Variants in ITGB8 observed in about 807,000 individuals in gnomAD.
ITGB8 encodes the protein integrin beta-8.
ITGB8 carries 30 observed loss-of-function variants against 89.5 expected under a neutral mutation model. That is an observed-to-expected ratio of 0.34 (90% confidence interval 0.25 to 0.45). The LOEUF is 0.45. Ranked by LOEUF, ITGB8 falls within the 20% of genes least tolerant of loss-of-function variation. The pLI is 1.00. For synonymous variants in ITGB8, 335 were observed against 320.4 expected (o/e 1.05, Z -0.49); for missense variants, 836 against 933.3 (o/e 0.90, Z 1.36).
At chr7:20,353,686 C>A (rs1475641796) in intron 1 of ITGB8, among the ~76,000 whole-genome samples, 1 of 147,288 alleles carries the variant, frequency 6.8e-6, no homozygotes, top group African/African-American at 2.7e-5. Flanking sequence ...GTAATCCCAG[C>A]ACTTTGGGAG....
chr7:20,370,022 T>C (rs1785861947), intron 3 of ITGB8, among the ~76,000 whole-genome samples: 1 of 151,134 alleles, frequency 6.6e-6, no homozygotes, highest in African/African-American at 2.4e-5. Context: ...CATCCAAAGA[T>C]ATAAGAAGAA....
rs1256352865 is a variant in ITGB8, at chr7:20,367,059, C to G, written c.261C>G (p.Ser87=). The G allele has an allele frequency of 3.7e-6, 6 of 1,612,128 alleles. No homozygotes were observed. The South Asian group carries it at 6.6e-5, about 18-fold the overall frequency. ...GSRSERCDIV[S]NLISKGCSVD... is the part of the protein sequence containing the mutation. ...GAAGTGAACGTTGTGATATTGTTTC[C>G]AATTTAATAAGCAAAGGCTGCTCAG... Residue 87 remains serine, a synonymous_variant, in exon 3 of 14, where the codon TCC becomes TCG. Transcript: ENST00000222573.
At chr7:20,368,965 T>A (rs1179357269) in intron 3 of ITGB8, among the ~76,000 whole-genome samples, 1 of 152,216 alleles carries the variant, frequency 6.6e-6, no homozygotes, top group Non-Finnish European at 1.5e-5. Flanking sequence ...TTCTTCAGGA[T>A]CTTAATCCAG....
In ITGB8 at chr7:20,351,129, T is replaced by A. The variant is rs188901638; in HGVS notation, c.128-12508T>A. Among the ~76,000 whole-genome samples, 103 of 152,350 alleles carry A rather than the reference T, an allele frequency of 6.8e-4. No homozygotes were observed. The Middle Eastern group carries it at 0.014, about 20-fold the overall frequency. ...GAAAATAGGATTACCTTAGCACTGA[T>A]GATAAGAAAAGTAATGACATACTAC... On this transcript the variant is annotated intron_variant, in intron 1 of 13. Coordinates refer to ENST00000222573, the MANE Select transcript of ITGB8 (RefSeq NM_002214.3).
chr7:20,352,230 T>G (rs912542081), intron 1 of ITGB8: 1 of 152,252 alleles, frequency 6.6e-6, no homozygotes, highest in Non-Finnish European at 1.5e-5. Flanking sequence ...CTAAGTCTAA[T>G]GTAGGAAAAG....
At chr7:20,361,144 A>G (rs749045315) in intron 1 of ITGB8, among the ~76,000 whole-genome samples, 6 of 152,038 alleles carry the variant, frequency 3.9e-5, no homozygotes, top group Non-Finnish European at 7.4e-5. Context: ...TAGCCACATG[A>G]ATGTCTTCTC....
In ITGB8 at chr7:20,331,391, T is replaced by C. The variant is rs565370528; in HGVS notation, c.-416T>C. On this transcript the variant is annotated 5_prime_UTR_variant, in exon 1 of 14. Transcript: ENST00000222573. ...GGTGGTTTCCCCCCCAGCTTCGGGC[T>C]TTGTTTGGGTTTGATTGTGTTTGGC... is the stretch of plus-strand genomic sequence containing the variant. The C allele has an allele frequency of 1.0e-4, 41 of 397,444 alleles. No homozygotes were observed. The highest frequency in any genetic ancestry group is 1.2e-4 in the Non-Finnish European group (28 of 226,102). The allele number at this position is 397,444 out of a possible 1,614,324, so 24.6% of individuals were successfully genotyped here. A position where few individuals can be genotyped will look rare whatever the true frequency, so the allele number is the denominator to read the frequency against.
intron 4 of ITGB8, 131 bp downstream of exon 4, chr7:20,379,428 G>C (rs892659088): frequency 2.0e-6 from 1 of 488,868 alleles, no homozygotes; most frequent in Non-Finnish European, 3.1e-6. Flanking sequence ...TATTTGGTGA[G>C]GTGGGGAGGT....
At chr7:20,365,390 A>G (rs569519873) in intron 2 of ITGB8, 8 of 152,362 alleles carry the variant, frequency 5.3e-5, no homozygotes, top group Admixed American at 3.3e-4. Flanking sequence ...CAGGCTCTGA[A>G]GAAACACTGA....
intron 1 of ITGB8, among the ~76,000 whole-genome samples, chr7:20,359,266 A>G (rs959647450): frequency 1.3e-5 from 2 of 152,254 alleles, no homozygotes; most frequent in African/African-American, 2.4e-5. Flanking sequence ...TTAGCACATT[A>G]TAATACTTCT....
In ITGB8 at chr7:20,330,919, G is replaced by C. The variant is rs1784358537; in HGVS notation, c.-888G>C. ...CACCCCAGAGCGCGCCAGCAACTCG[G>C]GCTCTGGACTGCGGGACGCCTGAGC... On this transcript the variant is annotated 5_prime_UTR_variant, in exon 1 of 14. Coordinates refer to ENST00000222573, the MANE Select transcript of ITGB8 (RefSeq NM_002214.3). 1.3e-5 allele frequency: 2 copies of C among 152,524 alleles called. No individual in the cohort carries two copies. Among genetic ancestry groups the C allele is most frequent in the Admixed American group, 1.3e-4 (2 of 15,314 alleles). 9.4% of individuals were successfully genotyped at this position (152,524 alleles called of 1,614,324 possible).
chr7:20,334,809 A>AGCT (rs1213704058), intron 1 of ITGB8, among the ~76,000 whole-genome samples: 3 of 152,242 alleles, frequency 2.0e-5, no homozygotes, highest in African/African-American at 7.2e-5. Context: ...ACAGCAAAGT[A>AGCT]GCTGATATGC....
rs61753451 is a variant in ITGB8, at chr7:20,401,888, T to C, written c.1449T>C (p.Asp483=). Residue 483 remains aspartate, a synonymous_variant, in exon 10 of 14, where the codon GAT becomes GAC. Transcript: ENST00000222573. ...GAGGACCTAAAGGAAAGTGTGTAGA[T>C]GAAACTTTTCTAGATTCCAAGTGTT... The part of the protein sequence containing the change: ...DNRGPKGKCV[D]ETFLDSKCFQ... The C allele has an allele frequency of 6.2e-7, 1 of 1,614,090 alleles. No individual in the cohort carries two copies. Among genetic ancestry groups the C allele is most frequent in the Non-Finnish European group, 8.5e-7 (1 of 1,179,976 alleles).
At chr7:20,391,611 C>A in intron 7 of ITGB8, 113 bp downstream of exon 7, 2 of 531,268 alleles carry the variant, frequency 3.8e-6, no homozygotes, top group Non-Finnish European at 6.6e-6. Context: ...TTTGTACAAT[C>A]TAAATTCTAT....
chr7:20,347,615 T>G (rs575359506), intron 1 of ITGB8, among the ~76,000 whole-genome samples: 2 of 152,266 alleles, frequency 1.3e-5, no homozygotes, highest in African/African-American at 4.8e-5. Context: ...AATAATGTAA[T>G]TAATGGAATA....
intron 1 of ITGB8, among the ~76,000 whole-genome samples, chr7:20,336,207 G>A (rs1313620555): frequency 1.3e-5 from 2 of 151,794 alleles, no homozygotes; most frequent in African/African-American, 2.4e-5. Context: ...GCGTTTCACT[G>A]TGTTAGCCAG....
rs146738968 is a variant in ITGB8 at position 20,367,131 on chromosome 7, A to C, written c.333A>C (p.Glu111Asp). Residue 111 changes from glutamate (E) to aspartate (D), a missense_variant, in exon 3 of 14, where the codon GAA (glutamate) becomes GAC (aspartate). Glu to Asp is a conservative substitution (Grantham distance 45). Coordinates refer to ENST00000222573, the MANE Select transcript of ITGB8 (RefSeq NM_002214.3). Reference sequence around the variant, plus strand: ...CTGTGCATGTTATAATACCCACTGAAAATGAAATTAATACCCAGGTGACAC... The same window carrying C: ...CTGTGCATGTTATAATACCCACTGACAATGAAATTAATACCCAGGTGACAC... ...YPSVHVIIPTENEINTQVTPG... is the reference protein window; with the variant it reads ...YPSVHVIIPTDNEINTQVTPG... 6.7e-5 allele frequency: 108 copies of C among 1,612,946 alleles called. No homozygotes were observed. The East Asian group carries it at 1.2e-3, about 18-fold the overall frequency.
intron 1 of ITGB8, among the ~76,000 whole-genome samples, chr7:20,355,041 G>A (rs1583482874): frequency 1.3e-5 from 2 of 152,180 alleles, no homozygotes; most frequent in South Asian, 2.1e-4. Flanking sequence ...CCCATCCCCA[G>A]CTGCTCTGCA....
At position 20,399,126 on chromosome 7, in the gene ITGB8, A is replaced by G. The variant is rs1787205689; in HGVS notation, c.1281+132A>G. The G allele has an allele frequency of 1.6e-5, 14 of 856,888 alleles. No homozygotes were observed. In the South Asian group the frequency reaches 2.3e-4, roughly 14 times the overall value. 53.1% of individuals were successfully genotyped at this position (856,888 alleles called of 1,614,324 possible). Reference sequence around the variant, plus strand: ...AAGAATCTTATTTATACTTCAAGGAAACTTTCATTGTCTCTCCTCAAAGTT... The same window carrying G: ...AAGAATCTTATTTATACTTCAAGGAGACTTTCATTGTCTCTCCTCAAAGTT... On this transcript the variant is annotated intron_variant, in intron 9 of 13. Coordinates refer to ENST00000222573, the MANE Select transcript of ITGB8 (RefSeq NM_002214.3).
Sources: allele counts gnomAD v4.1 joint callset (sites outside exome capture counted in the v4.1 genomes callset), GRCh38; gene constraint gnomAD v4.1.1; transcripts MANE v1.5; gene names NCBI Gene and HGNC (gene_info 2026-07-23, HGNC 2026-07-21).